The following PLXNA4 variants were observed in gnomAD, a reference collection of about 807,000 sequenced individuals.
The protein encoded by PLXNA4 is plexin-A4.
Under a neutral mutation model 191.8 loss-of-function variants are expected in PLXNA4, and 44 were observed. That is an observed-to-expected ratio of 0.23 (90% CI 0.18 to 0.29). The LOEUF is 0.29. Among genes scored for constraint, PLXNA4 ranks in the 10% least tolerant of loss-of-function variants. The pLI, the probability that PLXNA4 is intolerant of heterozygous loss-of-function variation, is 1.00. For synonymous variants in PLXNA4, 1,082 were observed against 1,009.5 expected (o/e 1.07, Z -1.36); for missense variants, 1,800 against 2,488.8 (o/e 0.72, Z 5.89).
At chr7:132,198,750 G>T in intron 12 of PLXNA4, 114 bp from the exon 13 acceptor site, 1 of 1,489,090 alleles carries the variant, frequency 6.7e-7, no homozygotes. Context: ...GTCCCTGAGT[G>T]GCTTGAAGTC....
At chr7:132,610,460 C>T (rs2116853014) in intron 2 of PLXNA4, among the ~76,000 whole-genome samples, 1 of 152,286 alleles carries the variant, frequency 6.6e-6, no homozygotes, top group South Asian at 2.1e-4. Flanking sequence ...CTCTTCAGTC[C>T]CCTCTCAAAG....
intron 1 of PLXNA4, among the ~76,000 whole-genome samples, chr7:132,534,235 C>G (rs1799741407): frequency 6.6e-6 from 1 of 152,128 alleles, no homozygotes; most frequent in South Asian, 2.1e-4. Context: ...ACAGGGATAC[C>G]TGGTGAGAAA....
intron 2 of PLXNA4, among the ~76,000 whole-genome samples, chr7:132,585,938 C>A (rs1485498971): frequency 6.6e-6 from 1 of 152,160 alleles, no homozygotes; most frequent in Admixed American, 6.5e-5. Flanking sequence ...ATAGCAATCA[C>A]GAAGAACAAA....
chr7:132,476,311 T>C (rs1337586539), intron 3 of PLXNA4, among the ~76,000 whole-genome samples: 1 of 152,212 alleles, frequency 6.6e-6, no homozygotes, highest in Non-Finnish European at 1.5e-5. Context: ...AGCTCAGCCA[T>C]GAAAATACAT....
chr7:132,382,967 A>G (rs1804958764), intron 3 of PLXNA4, among the ~76,000 whole-genome samples: 1 of 152,174 alleles, frequency 6.6e-6, no homozygotes, highest in Admixed American at 6.5e-5. Context: ...TCTTATCCTT[A>G]TATAGGAATA....
chr7:132,306,440 C>G (rs186574161), intron 3 of PLXNA4, among the ~76,000 whole-genome samples: 1 of 152,132 alleles, frequency 6.6e-6, no homozygotes, highest in African/African-American at 2.4e-5. Flanking sequence ...AGATCCTTGG[C>G]AAGCAATGAG....
At chr7:132,270,347 G>C (rs570338511) in intron 4 of PLXNA4, among the ~76,000 whole-genome samples, 1 of 152,192 alleles carries the variant, frequency 6.6e-6, no homozygotes, top group Non-Finnish European at 1.5e-5. Context: ...ATTATAGACC[G>C]ATTGAGGTCA....
chr7:132,515,094 C>A (rs1798884959), intron 1 of PLXNA4, among the ~76,000 whole-genome samples: 1 of 149,060 alleles, frequency 6.7e-6, no homozygotes, highest in Admixed American at 6.9e-5. Flanking sequence ...AGGTCTCCGA[C>A]AAGCAACAGG....
chr7:132,253,236 T>C (rs13228866), intron 4 of PLXNA4, among the ~76,000 whole-genome samples: 33 of 136,446 alleles, frequency 2.4e-4, no homozygotes, highest in East Asian at 7.8e-4. Context: ...TTTTTTCTTT[T>C]TTTTTTTTTT....
chr7:132,437,692 T>C (rs1795529678), intron 3 of PLXNA4, among the ~76,000 whole-genome samples: 1 of 152,050 alleles, frequency 6.6e-6, no homozygotes, highest in Non-Finnish European at 1.5e-5. Flanking sequence ...CTCTCCTTTG[T>C]TTCTCCCACC....
chr7:132,356,230 TC>T (rs1181840122), intron 3 of PLXNA4, among the ~76,000 whole-genome samples: 1 of 152,178 alleles, frequency 6.6e-6, no homozygotes, highest in East Asian at 1.9e-4. Flanking sequence ...TGTTTTTCTA[TC>T]CAGGTGCTCA....
At chr7:132,210,755 C>T (rs892128449) in intron 10 of PLXNA4, among the ~76,000 whole-genome samples, 188 bp downstream of exon 10, 1 of 152,220 alleles carries the variant, frequency 6.6e-6, no homozygotes, top group African/African-American at 2.4e-5. Flanking sequence ...ACCTCAGAAC[C>T]CAGCACGCTG....
In PLXNA4 at chr7:132,521,178, G is replaced by GA. The variant is rs1456624869; in HGVS notation, c.-86-12400dup. ...CTGAACGGAGATATATTTGCTCCTT[G>GA]AAAAAAAAAAAAAAAAAAAAAAAAT... On this transcript the variant is annotated intron_variant, in intron 1 of 31. Coordinates refer to ENST00000321063, the MANE Select transcript of PLXNA4 (RefSeq NM_020911.2). 9.2e-3 allele frequency among the ~76,000 whole-genome samples: 1,223 copies of GA among 132,668 alleles called. 18 individuals are homozygous for GA. The highest frequency in any genetic ancestry group is 0.033 in the African/African-American group (1,163 of 35,256). 87.0% of individuals were successfully genotyped at this position (132,668 alleles called of 152,430 possible).
At chr7:132,265,060 C>A (rs1799798457) in intron 4 of PLXNA4, among the ~76,000 whole-genome samples, 1 of 152,144 alleles carries the variant, frequency 6.6e-6, no homozygotes, top group African/African-American at 2.4e-5. Context: ...AGCTTTTAAA[C>A]AACGACAAAT....
chr7:132,478,293 A>T (rs1797207037), intron 3 of PLXNA4, among the ~76,000 whole-genome samples: 1 of 152,264 alleles, frequency 6.6e-6, no homozygotes, highest in African/African-American at 2.4e-5. Flanking sequence ...TTTGATCATA[A>T]AGATGAAATA....
chr7:132,124,969 T>C lies in PLXNA4; in HGVS notation c.*5510A>G, dbSNP rs1794728924. On this transcript the variant is annotated 3_prime_UTR_variant, in exon 32 of 32. Coordinates refer to ENST00000321063, the MANE Select transcript of PLXNA4 (RefSeq NM_020911.2). ...TATTTCTCTTACAACCAAAAAATTC[T>C]ATATACTTTTAAAACTTGGATACTC... 1 of 151,358 alleles carries C rather than the reference T, an allele frequency of 6.6e-6. No homozygotes were observed. The highest frequency in any genetic ancestry group is 1.5e-5 in the Non-Finnish European group (1 of 67,948). The allele number at this position is 151,358 out of a possible 1,614,324, so 9.4% of individuals were successfully genotyped here.
At chr7:132,437,072 G>A (rs557817432) in intron 3 of PLXNA4, among the ~76,000 whole-genome samples, 11 of 152,258 alleles carry the variant, frequency 7.2e-5, no homozygotes, top group Non-Finnish European at 1.2e-4. Flanking sequence ...CCCAAAACAC[G>A]GATGGGAAGG....
intron 3 of PLXNA4, among the ~76,000 whole-genome samples, chr7:132,390,064 T>A: frequency 6.6e-6 from 1 of 152,206 alleles, no homozygotes; most frequent in Middle Eastern, 3.2e-3. Flanking sequence ...ATCCCATCAC[T>A]GGGTATATAC....
At position 132,127,175 on chromosome 7, in the gene PLXNA4, T is replaced by G. The variant is rs1380395214; in HGVS notation, c.*3304A>C. The G allele has an allele frequency of 6.6e-6, 1 of 152,122 alleles. No homozygotes were observed. Among genetic ancestry groups the G allele is most frequent in the African/African-American group, 2.4e-5 (1 of 41,436 alleles). The allele number at this position is 152,122 out of a possible 1,614,324, so 9.4% of individuals were successfully genotyped here. ...ATGCAAAAAAAATTCCCACCTAAACTTTGTCAGTGATTTTGATGGCTCAGT... is the reference window on the plus strand; with the variant it reads ...ATGCAAAAAAAATTCCCACCTAAACGTTGTCAGTGATTTTGATGGCTCAGT... On this transcript the variant is annotated 3_prime_UTR_variant, in exon 32 of 32. Transcript: ENST00000321063.
Sources: gnomAD v4.1 joint callset for allele counts (sites outside exome capture counted in the v4.1 genomes callset) on GRCh38, gnomAD v4.1.1 for gene constraint, MANE v1.5 for transcripts, NCBI Gene and HGNC (gene_info 2026-07-23, HGNC 2026-07-21) for gene names.